Variants in MATK observed in about 807,000 individuals in gnomAD.
MATK encodes megakaryocyte-associated tyrosine kinase, also known as megakaryocyte-associated tyrosine-protein kinase.
MATK carries 41 observed loss-of-function variants against 59.8 expected under a neutral mutation model. That is an observed-to-expected ratio of 0.69 (90% CI 0.53 to 0.89). The LOEUF is 0.89. Ranked by LOEUF, MATK falls within the 40% of genes least tolerant of loss-of-function variation. The pLI is 0.00. For missense variants in MATK, 593 were observed against 719.6 expected, an observed-to-expected ratio of 0.82 and a Z score of 2.01; for synonymous variants, 308 against 306.1, an observed-to-expected ratio of 1.01 and a Z score of -0.06.
At chr19:3,783,756 C>T (rs1299670614) in intron 6 of MATK, 58 bp downstream of exon 6, 9 of 1,532,574 alleles carry the variant, frequency 5.9e-6, no homozygotes, top group Non-Finnish European at 8.0e-6. Context: ...AGGGGAGTCT[C>T]CGGAGTCCCT....
chr19:3,785,312 G>C, intron 1 of MATK, 26 bp from the exon 2 acceptor site: 1 of 1,383,362 alleles, frequency 7.2e-7, no homozygotes, highest in Non-Finnish European at 9.6e-7. Flanking sequence ...GGGCAGGGTG[G>C]GGAAATAGGG....
chr19:3,785,104 C>T lies in MATK; in HGVS notation c.32G>A (p.Arg11Gln), dbSNP rs201457859. The stretch of plus-strand genomic sequence containing the variant: ...AGCAGAATCACAGCCGTGAAATGCC[C>T]GCCAGGAAACCAGAGAGCCTCGCCC... MAGRGSLVSW[R>Q]AFHGCDSAEE... Residue 11 changes from arginine to glutamine, a missense_variant, in exon 2 of 14, where the codon CGG (arginine) becomes CAG (glutamine). Arg to Gln is a conservative substitution (Grantham distance 43, BLOSUM62 1). Transcript: ENST00000310132. 5.6e-6 allele frequency: 9 copies of T among 1,614,060 alleles called. No individual in the cohort carries two copies. The highest frequency in any genetic ancestry group is 3.4e-6 in the Non-Finnish European group (4 of 1,179,986).
intron 7 of MATK, 60 bp from the exon 8 acceptor site, chr19:3,781,732 T>A (rs2037404937): frequency 2.2e-6 from 3 of 1,351,242 alleles, no homozygotes; most frequent in East Asian, 4.6e-5. Flanking sequence ...CCATTGGGGG[T>A]TCTACTTGGT....
upstream of MATK, among the ~76,000 whole-genome samples, chr19:3,790,313 C>A (rs187105648): frequency 4.2e-4 from 64 of 152,282 alleles, no homozygotes; most frequent in African/African-American, 1.5e-3. Context: ...AACTCCCCAC[C>A]CTCCACCTCT....
At chr19:3,788,097 T>TTAATATTATATTATATTATA (rs747060842), upstream of MATK, among the ~76,000 whole-genome samples, 50 of 133,756 alleles carry the variant, frequency 3.7e-4, 1 homozygote, top group South Asian at 3.3e-3. Context: ...ATTATTAATA[T>TTAATATTATATTATATTATA]TTATATTATA....
chr19:3,791,107 C>T (rs1385347655), upstream of MATK, among the ~76,000 whole-genome samples: 1 of 152,110 alleles, frequency 6.6e-6, no homozygotes, highest in Admixed American at 6.6e-5. Flanking sequence ...CTGCTGCTTA[C>T]AATCAAAGGG....
chr19:3,791,870 G>A (rs2145111893), intron 1 of MATK, among the ~76,000 whole-genome samples: 1 of 152,152 alleles, frequency 6.6e-6, no homozygotes, highest in Middle Eastern at 3.4e-3. Context: ...CACTTTGGGA[G>A]GCCGAGGTGG....
chr19:3,779,192 G>A lies in MATK; in HGVS notation c.1002-5C>T. On this transcript the variant is annotated splice_polypyrimidine_tract_variant and splice_region_variant and intron_variant, in intron 11 of 13. Coordinates refer to ENST00000310132, the MANE Select transcript of MATK (RefSeq NM_139355.3). Reference sequence around the variant, plus strand: ...TCCATGCCCTCGGCCACGTGCCTGGGGGTAGTAGGGGGCAGTGGGGGCTCA... The same window carrying A: ...TCCATGCCCTCGGCCACGTGCCTGGAGGTAGTAGGGGGCAGTGGGGGCTCA... The A allele has an allele frequency of 6.3e-7, 1 of 1,577,238 alleles. No homozygotes were observed.
At chr19:3,789,607 C>G (rs1037170716), upstream of MATK, among the ~76,000 whole-genome samples, 1 of 151,976 alleles carries the variant, frequency 6.6e-6, no homozygotes, top group Non-Finnish European at 1.5e-5. Context: ...GACATAGACA[C>G]TGAGCTGTGC....
At chr19:3,801,109 T>C (rs1003617919) in intron 1 of MATK, among the ~76,000 whole-genome samples, 2 of 152,196 alleles carry the variant, frequency 1.3e-5, no homozygotes, top group African/African-American at 4.8e-5. Flanking sequence ...AGTGTTGGGA[T>C]GACAGGCGTG....
rs193127566 is a variant in MATK at position 3,778,282 on chromosome 19, G to C, written c.1425C>G (p.Ala475=). 2.5e-6 allele frequency: 4 copies of C among 1,574,654 alleles called. No homozygotes were observed. Among genetic ancestry groups the C allele is most frequent in the Non-Finnish European group, 3.4e-6 (4 of 1,166,472 alleles). ...PARRPPFRKL[A]EKLARELRSA... The stretch of plus-strand genomic sequence containing the variant: ...TGCGTAGCTCCCGGGCCAGCTTCTC[G>C]GCCAGTTTGCGGAAGGGTGGCCGGC... The change falls in exon 14 of 14, where the codon GCC becomes GCG. Residue 475 remains alanine, a synonymous_variant. Coordinates refer to ENST00000310132, the MANE Select transcript of MATK (RefSeq NM_139355.3).
intron 1 of MATK, among the ~76,000 whole-genome samples, chr19:3,796,380 C>T (rs946593279): frequency 6.6e-6 from 1 of 152,126 alleles, no homozygotes; most frequent in Non-Finnish European, 1.5e-5. Context: ...CCATTGACTT[C>T]CTATTCCAGA....
chr19:3,778,856 T>A, intron 12 of MATK, 136 bp downstream of exon 12: 1 of 983,432 alleles, frequency 1.0e-6, no homozygotes. Flanking sequence ...CGAGGAACAA[T>A]TATGGGCCAA....
rs2037349227 is a variant in MATK at position 3,778,387 on chromosome 19, C to T, written c.1320G>A (p.Gly440=). The T allele has an allele frequency of 1.2e-6, 2 of 1,611,720 alleles. No individual in the cohort carries two copies. Among genetic ancestry groups the T allele is most frequent in the Non-Finnish European group, 1.7e-6 (2 of 1,179,370 alleles). ...LKEVSEAVEK[G]YRMEPPEGCP... ...AGCCCTCGGGGGGTTCCATGCGGTA[C>T]CCCTTCTCCACGGCCTCCGACACCT... Residue 440 remains glycine (G), a synonymous_variant, in exon 14 of 14, where the codon GGG becomes GGA. Coordinates refer to ENST00000310132, the MANE Select transcript of MATK (RefSeq NM_139355.3).
upstream of MATK, among the ~76,000 whole-genome samples, chr19:3,791,367 A>G (rs1273698376): frequency 8.1e-5 from 12 of 148,692 alleles, no homozygotes; most frequent in Non-Finnish European, 1.5e-4. Context: ...TTTTTTTGAA[A>G]CAGAGTATTG....
chr19:3,788,635 A>T (rs1364209536), upstream of MATK, among the ~76,000 whole-genome samples: 3 of 151,336 alleles, frequency 2.0e-5, no homozygotes, highest in African/African-American at 7.3e-5. Flanking sequence ...AAAAAAAAAA[A>T]AAAAAAATAG....
rs1162800209 is a variant in MATK at position 3,783,850 on chromosome 19, C to G, written c.546G>C (p.Glu182Asp). 6.2e-7 allele frequency: 1 copy of G among 1,613,072 alleles called. No homozygotes were observed. The highest frequency in any genetic ancestry group is 1.7e-5 in the Admixed American group (1 of 60,002). The change falls in exon 6 of 14, where the codon GAG (glutamate) becomes GAC (aspartate). Residue 182 changes from glutamate (E) to aspartate (D), a missense_variant. Physicochemically the swap from Glu to Asp is conservative, Grantham distance 45. Coordinates refer to ENST00000310132, the MANE Select transcript of MATK (RefSeq NM_139355.3). Reference sequence around the variant, plus strand: ...CCATGAGGTTGCAGAAGAACACGGCCTCATCGATTGTGAGGTGGCCGTCGC... The same window carrying G: ...CCATGAGGTTGCAGAAGAACACGGCGTCATCGATTGTGAGGTGGCCGTCGC... The part of the protein sequence containing the change: ...LHRDGHLTID[E>D]AVFFCNLMDM...
chr19:3,782,743 C>T (rs1282946886), intron 7 of MATK: 4 of 257,072 alleles, frequency 1.6e-5, no homozygotes, highest in South Asian at 5.4e-5. Flanking sequence ...AAGGGGGACT[C>T]GCCCTCTGGG....
In MATK at chr19:3,783,121, C is replaced by A; in HGVS notation, c.676+5G>T. 1 of 1,613,820 alleles carries A rather than the reference C, an allele frequency of 6.2e-7. No homozygotes were observed. Among genetic ancestry groups the A allele is most frequent in the Non-Finnish European group, 8.5e-7 (1 of 1,179,948 alleles). ...AGGGGGTCTGCCCTCCTGGGCGTCC[C>A]CTACCCCTGGCCAGCTCCTCCTCGG... On this transcript the variant is annotated splice_donor_5th_base_variant and intron_variant, in intron 7 of 13. Coordinates refer to ENST00000310132, the MANE Select transcript of MATK (RefSeq NM_139355.3).
Sources: allele counts gnomAD v4.1 joint callset (sites outside exome capture counted in the v4.1 genomes callset), GRCh38; gene constraint gnomAD v4.1.1; transcripts MANE v1.5; gene names NCBI Gene and HGNC (gene_info 2026-07-23, HGNC 2026-07-21).